Variants in GATAD1 observed in about 807,000 individuals in gnomAD.
The protein encoded by GATAD1 is GATA zinc finger domain containing 1.
GATAD1 carries 12 observed loss-of-function variants against 26.5 expected under a neutral mutation model. The ratio of observed to expected loss-of-function variants is 0.45; its 90% CI spans 0.29 to 0.73. The LOEUF (loss-of-function observed/expected upper bound fraction) is 0.73, where lower values mean the gene tolerates loss of function less well. Among genes scored for constraint, GATAD1 ranks in the 30% least tolerant of loss-of-function variants. GATAD1 has a pLI of 0.10. For synonymous variants in GATAD1, 129 were observed against 133.1 expected (o/e 0.97, Z 0.21); for missense variants, 266 against 342.1 (o/e 0.78, Z 1.75).
intron 3 of GATAD1, among the ~76,000 whole-genome samples, chr7:92,451,697 C>T (rs777457529): frequency 1.2e-4 from 18 of 152,234 alleles, no homozygotes; most frequent in Non-Finnish European, 1.5e-4. Context: ...ATTTTTCCAA[C>T]ATTTAATACA....
At chr7:92,480,881 T>A in the GATAD1 span, among the ~76,000 whole-genome samples, 1 of 152,202 alleles carries the variant, frequency 6.6e-6, no homozygotes, top group African/African-American at 2.4e-5. Context: ...TAAAGAGGCA[T>A]TAATGATGGA....
the GATAD1 span, chr7:92,469,035 G>A: frequency 4.2e-6 from 3 of 714,702 alleles, no homozygotes; most frequent in Non-Finnish European, 7.7e-6. Context: ...CTAAGAAGGG[G>A]AGAATCCAGG....
rs1383840825 is a variant in GATAD1, at chr7:92,447,568, C to T, written c.-162C>T. Reference sequence around the variant, plus strand: ...CGGCGGAACCCGCTTCCCGCCTCCACGGGGCAGCGCCAGCGGCCTGGTCCT... The same window carrying T: ...CGGCGGAACCCGCTTCCCGCCTCCATGGGGCAGCGCCAGCGGCCTGGTCCT... On this transcript the variant is annotated 5_prime_UTR_variant, in exon 1 of 5. It adds an upstream start codon to the 5' untranslated region. Transcript: ENST00000287957. The T allele has an allele frequency of 2.1e-6, 2 of 951,522 alleles. No homozygotes were observed. The highest frequency in any genetic ancestry group is 1.7e-5 in the African/African-American group (1 of 57,612). 58.9% of individuals were successfully genotyped at this position (951,522 alleles called of 1,614,324 possible). A position where few individuals can be genotyped will look rare whatever the true frequency, so the allele number is the denominator to read the frequency against.
chr7:92,489,060 A>C, the GATAD1 span, among the ~76,000 whole-genome samples: 1 of 152,372 alleles, frequency 6.6e-6, no homozygotes, highest in East Asian at 1.9e-4. Flanking sequence ...AAATGAGTCC[A>C]TTATGAATAA....
At chr7:92,483,666 A>C in the GATAD1 span, among the ~76,000 whole-genome samples, 1 of 152,258 alleles carries the variant, frequency 6.6e-6, no homozygotes, top group African/African-American at 2.4e-5. Flanking sequence ...GGGAGAGGTC[A>C]GATAAAGAAA....
At chr7:92,485,466 T>G in the GATAD1 span, among the ~76,000 whole-genome samples, 4 of 152,320 alleles carry the variant, frequency 2.6e-5, no homozygotes, top group Admixed American at 6.5e-5. Flanking sequence ...GCCCCTGACC[T>G]AATTCTCACA....
chr7:92,485,963 A>G, the GATAD1 span, among the ~76,000 whole-genome samples: 1 of 152,246 alleles, frequency 6.6e-6, no homozygotes, highest in Admixed American at 6.5e-5. Flanking sequence ...GTGAATGCTC[A>G]GTTAAAAGCC....
chr7:92,465,001 TG>T (rs1790045575), downstream of GATAD1: 1 of 152,258 alleles, frequency 6.6e-6, no homozygotes, highest in African/African-American at 2.4e-5. Flanking sequence ...AGATTGATAG[TG>T]GCTTGTGATC....
chr7:92,493,159 A>G, the GATAD1 span: 3 of 1,250,198 alleles, frequency 2.4e-6, no homozygotes, highest in East Asian at 7.7e-5. Flanking sequence ...TTTAACAAAT[A>G]AAAAATAAAA....
the GATAD1 span, among the ~76,000 whole-genome samples, chr7:92,488,603 C>CA: frequency 2.0e-5 from 3 of 151,676 alleles, no homozygotes; most frequent in East Asian, 5.8e-4. Context: ...TTCTTGAGGT[C>CA]AATAAAATAT....
intron 4 of GATAD1, among the ~76,000 whole-genome samples, chr7:92,455,118 G>C (rs182448808): frequency 1.3e-5 from 2 of 150,678 alleles, no homozygotes; most frequent in Admixed American, 6.6e-5. Context: ...GGCGGGGGGG[G>C]ATGCAATTCA....
At chr7:92,490,062 A>C in the GATAD1 span, 1 of 695,720 alleles carries the variant, frequency 1.4e-6, no homozygotes, top group South Asian at 1.7e-5. Flanking sequence ...AAGCAAGCTG[A>C]AAAGTTGTTC....
rs1023089561 is a variant in GATAD1, at chr7:92,458,756, G to T, written c.*2194G>T. The T allele has an allele frequency of 3.9e-5, 6 of 152,142 alleles. No individual in the cohort carries two copies. The highest frequency in any genetic ancestry group is 1.2e-4 in the African/African-American group (5 of 41,414). The allele number at this position is 152,142 out of a possible 1,614,324, so 9.4% of individuals were successfully genotyped here. On this transcript the variant is annotated 3_prime_UTR_variant, in exon 5 of 5. Transcript: ENST00000287957. ...ATAATTATCTCTTTATTCACAAAGG[G>T]TATAGTAAAATTGATTGTAAATAAC...
At chr7:92,494,406 A>G in the GATAD1 span, 1 of 1,613,728 alleles carries the variant, frequency 6.2e-7, no homozygotes, top group Non-Finnish European at 8.5e-7. Context: ...CCTAGAGGAA[A>G]AAAGAACATT....
chr7:92,477,138 T>C, the GATAD1 span, among the ~76,000 whole-genome samples: 1 of 152,304 alleles, frequency 6.6e-6, no homozygotes, highest in South Asian at 2.1e-4. Flanking sequence ...TTTCTGCCTC[T>C]AGTCGGCCCT....
chr7:92,489,532 C>T, the GATAD1 span: 2 of 1,090,620 alleles, frequency 1.8e-6, no homozygotes, highest in African/African-American at 1.6e-5. Flanking sequence ...ACCATACGTT[C>T]TCTTCCTTAT....
chr7:92,489,260 A>G, the GATAD1 span: 402 of 1,588,148 alleles, frequency 2.5e-4, 2 homozygotes, highest in African/African-American at 4.7e-3. Flanking sequence ...TTGTAATAGT[A>G]GCTGTACTTC....
chr7:92,470,178 C>T, the GATAD1 span: 1 of 778,624 alleles, frequency 1.3e-6, no homozygotes, highest in African/African-American at 1.7e-5. Flanking sequence ...AGTTGCGGGG[C>T]ATATGGGTGT....
At chr7:92,470,666 A>G in the GATAD1 span, 10 of 295,900 alleles carry the variant, frequency 3.4e-5, no homozygotes, top group African/African-American at 6.6e-5. Context: ...CAAGGGTGGA[A>G]TAGTTCTTTT....
Sources: gnomAD v4.1 joint callset for allele counts (sites outside exome capture counted in the v4.1 genomes callset) on GRCh38, gnomAD v4.1.1 for gene constraint, MANE v1.5 for transcripts, NCBI Gene and HGNC (gene_info 2026-07-23, HGNC 2026-07-21) for gene names.